FGF17: variants seen among roughly 807,000 people sequenced by gnomAD.
The protein encoded by FGF17 is fibroblast growth factor 17.
In FGF17, 5 loss-of-function variants were observed where a neutral mutation model predicts 23.5. The observed-to-expected ratio is 0.21, with a 90% CI of 0.11 to 0.45. The LOEUF is 0.45. Ranked by LOEUF, FGF17 falls within the 20% of genes least tolerant of loss-of-function variation. FGF17 has a pLI of 0.99. For synonymous variants in FGF17, 136 were observed against 123.0 expected (o/e 1.11, Z -0.70); for missense variants, 221 against 306.9 (o/e 0.72, Z 2.09).
rs1051629149 is a variant in FGF17, at chr8:22,046,756, ACT to A, written c.357+127_357+128del. The A allele has an allele frequency of 4.5e-5, 30 of 670,426 alleles. No homozygotes were observed. The East Asian group carries it at 6.0e-4, about 14-fold the overall frequency. 41.5% of individuals were successfully genotyped at this position (670,426 alleles called of 1,614,324 possible). The stretch of plus-strand genomic sequence containing the variant: ...CTCCTGTGTAAAGACTTCCCATCCT[ACT>A]CTCAGCCCACCCACTGGGCCACTCT... On this transcript the variant is annotated intron_variant, in intron 4 of 4. Transcript: ENST00000359441.
In FGF17 at chr8:22,047,922, A is replaced by C. The variant is rs751103967; in HGVS notation, c.358-34A>C. On this transcript the variant is annotated intron_variant, in intron 4 of 4. Coordinates refer to ENST00000359441, the MANE Select transcript of FGF17 (RefSeq NM_003867.4). ...CGACACCCCAGACCAGGGTAGGTGGACAAATGCCCTTCCTGTCCTTGCTTC... is the reference window on the plus strand; with the variant it reads ...CGACACCCCAGACCAGGGTAGGTGGCCAAATGCCCTTCCTGTCCTTGCTTC... The C allele has an allele frequency of 5.7e-6, 9 of 1,582,434 alleles. 1 individual carries two copies. In the South Asian group the frequency reaches 1.0e-4, roughly 18 times the overall value.
Position 22,048,206 on chromosome 8 carries a change from C to T in FGF17, c.608C>T (p.Thr203Ile). 6.2e-7 allele frequency: 1 copy of T among 1,611,220 alleles called. No individual in the cohort carries two copies. ...TTCGAGTTTGTGGGCTCCGCCCCCA[C>T]CCGCCGGACCAAGCGCACACGGCGG... ...KQFEFVGSAP[T>I]RRTKRTRRPQ... The change falls in exon 5 of 5, where the codon ACC becomes ATC. Residue 203 changes from threonine to isoleucine, a missense_variant. Thr to Ile is a moderately conservative substitution (Grantham distance 89). Transcript: ENST00000359441. The surrounding 1 kb of genome is among the most constrained non-coding windows in gnomAD (Gnocchi z 6.9).
At position 22,048,227 on chromosome 8, in the gene FGF17, GGCGGCCCCA is replaced by G. The variant is rs769385766; in HGVS notation, c.632_640del (p.Arg211_Gln213del). 9 of 1,607,844 alleles carry G rather than the reference GGCGGCCCCA, an allele frequency of 5.6e-6. No homozygotes were observed. In the South Asian group the frequency reaches 8.8e-5, roughly 16 times the overall value. ...CCCACCCGCCGGACCAAGCGCACAC[GGCGGCCCCA>G]GCCCCTCACGTAGTCTGGGAGGCAG... On this transcript the variant is annotated inframe_deletion, in exon 5 of 5. Transcript: ENST00000359441. The surrounding 1 kb of genome is among the most constrained non-coding windows in gnomAD (Gnocchi z 6.9).
chr8:22,044,935 A>T (rs1237904829), intron 2 of FGF17: 1 of 985,498 alleles, frequency 1.0e-6, no homozygotes, highest in East Asian at 1.1e-4. Context: ...ATAAAGGTGG[A>T]ATTAGGGATT....
Position 22,042,853 on chromosome 8 carries a change from C to A in FGF17, c.-76C>A. Reference sequence around the variant, plus strand: ...GAGAGACCTTGGCTTCTCTGGGACTCTACCCCTGGGGACTTCCCACATCTG... The same window carrying A: ...GAGAGACCTTGGCTTCTCTGGGACTATACCCCTGGGGACTTCCCACATCTG... On this transcript the variant is annotated 5_prime_UTR_variant, in exon 1 of 5. Coordinates refer to ENST00000359441, the MANE Select transcript of FGF17 (RefSeq NM_003867.4). 6.6e-7 allele frequency: 1 copy of A among 1,525,144 alleles called. No individual in the cohort carries two copies. The highest frequency in any genetic ancestry group is 9.0e-7 in the Non-Finnish European group (1 of 1,106,538). 94.5% of individuals were successfully genotyped at this position (1,525,144 alleles called of 1,614,324 possible). A position where few individuals can be genotyped will look rare whatever the true frequency, so the allele number is the denominator to read the frequency against.
intron 2 of FGF17, chr8:22,045,542 C>T: frequency 3.0e-6 from 3 of 994,612 alleles, no homozygotes; most frequent in Non-Finnish European, 3.6e-6. Flanking sequence ...AAGAAATGCT[C>T]ATGGGACCCT....
rs1228076092 is a variant in FGF17, at chr8:22,046,390, C to G, written c.250+99C>G. The G allele has an allele frequency of 2.7e-6, 4 of 1,495,330 alleles. No individual in the cohort carries two copies. The African/African-American group carries it at 4.1e-5, about 15-fold the overall frequency. The allele number at this position is 1,495,330 out of a possible 1,614,324, so 92.6% of individuals were successfully genotyped here. On this transcript the variant is annotated intron_variant, in intron 3 of 4. Coordinates refer to ENST00000359441, the MANE Select transcript of FGF17 (RefSeq NM_003867.4). ...TCCATCCCCAGATCCTGTGTCAGGG[C>G]TGAGGGCCCCAAGGGCCTGAGTGTC...
At chr8:22,043,067 G>T (rs560030304) in intron 1 of FGF17, 78 bp from the exon 2 acceptor site, 1 of 1,600,074 alleles carries the variant, frequency 6.2e-7, no homozygotes, top group African/African-American at 1.3e-5. Flanking sequence ...GGGCTGGCAG[G>T]GCGGGGGCGG....
At position 22,048,232 on chromosome 8, in the gene FGF17, C is replaced by T. The variant is rs778556940; in HGVS notation, c.634C>T (p.Pro212Ser). 29 of 1,607,048 alleles carry T rather than the reference C, an allele frequency of 1.8e-5. No homozygotes were observed. The Admixed American group carries it at 2.2e-4, about 12-fold the overall frequency. The change falls in exon 5 of 5, where the codon CCC (proline) becomes TCC (serine). Residue 212 changes from proline (P) to serine (S), a missense_variant. Physicochemically the swap from Pro to Ser is moderately conservative, Grantham distance 74. Transcript: ENST00000359441. This position sits in a 1 kb window ranked among gnomAD's most constrained non-coding sequence, Gnocchi z 6.9. ...PTRRTKRTRR[P>S]QPLT ...CCGCCGGACCAAGCGCACACGGCGG[C>T]CCCAGCCCCTCACGTAGTCTGGGAG...
At chr8:22,043,222 C>T in intron 2 of FGF17, 41 bp downstream of exon 2, 2 of 1,603,728 alleles carry the variant, frequency 1.2e-6, no homozygotes, top group Non-Finnish European at 1.7e-6. Context: ...AATTTTTCCA[C>T]CCTACCTGAC....
chr8:22,047,724 C>T (rs3176303), intron 4 of FGF17, among the ~76,000 whole-genome samples: 5 of 152,358 alleles, frequency 3.3e-5, no homozygotes, highest in South Asian at 2.1e-4. Flanking sequence ...GAGGCCCAGC[C>T]TGGTTCAGGA....
Position 22,043,127 on chromosome 8 carries a change from C to T in FGF17, c.36-18C>T. On this transcript the variant is annotated intron_variant, in intron 1 of 4. Transcript: ENST00000359441. Reference sequence around the variant, plus strand: ...CAGCTGGCACCCACACCTGGGCTTACCTCCTCTCCCCACACAGGTGCTTAC... The same window carrying T: ...CAGCTGGCACCCACACCTGGGCTTATCTCCTCTCCCCACACAGGTGCTTAC... 1 of 1,613,686 alleles carries T rather than the reference C, an allele frequency of 6.2e-7. No individual in the cohort carries two copies. Among genetic ancestry groups the T allele is most frequent in the Non-Finnish European group, 8.5e-7 (1 of 1,179,930 alleles).
At chr8:22,046,374 A>G in intron 3 of FGF17, 83 bp downstream of exon 3, 1 of 1,534,434 alleles carries the variant, frequency 6.5e-7, no homozygotes, top group African/African-American at 1.4e-5. Flanking sequence ...GTCCATCCCC[A>G]GATCCTGTGT....
chr8:22,045,473 AG>A, intron 2 of FGF17: 1 of 990,500 alleles, frequency 1.0e-6, no homozygotes, highest in Non-Finnish European at 1.2e-6. Context: ...CCTGAGCACC[AG>A]GGGGCAAGGC....
chr8:22,047,015 G>A (rs985458768), intron 4 of FGF17, among the ~76,000 whole-genome samples: 3 of 133,756 alleles, frequency 2.2e-5, no homozygotes, highest in Non-Finnish European at 4.6e-5. Flanking sequence ...TCAAACTCAC[G>A]GGCTAAAGCG....
At chr8:22,046,711 T>G in intron 4 of FGF17, 78 bp downstream of exon 4, 1 of 936,206 alleles carries the variant, frequency 1.1e-6, no homozygotes, top group Non-Finnish European at 1.7e-6. Context: ...TGCTCCCCTC[T>G]CTCCTCTGAG....
intron 2 of FGF17, among the ~76,000 whole-genome samples, chr8:22,044,043 C>A (rs1230593529): frequency 2.0e-5 from 3 of 151,714 alleles, no homozygotes; most frequent in East Asian, 3.9e-4. Flanking sequence ...CCCCTTCCTT[C>A]CCCCTTTTGC....
chr8:22,042,238 G>A (rs1479285341), upstream of FGF17, among the ~76,000 whole-genome samples: 2 of 152,140 alleles, frequency 1.3e-5, no homozygotes, highest in Admixed American at 1.3e-4. Flanking sequence ...ACCCACCTCT[G>A]ACCCCCAACC....
At chr8:22,045,885 C>A (rs934188860) in intron 2 of FGF17, 14 of 1,435,718 alleles carry the variant, frequency 9.8e-6, no homozygotes, top group Non-Finnish European at 6.4e-6. Context: ...ATAAGTGTCC[C>A]CCAGCCTGGG....
Sources: allele counts gnomAD v4.1 joint callset (sites outside exome capture counted in the v4.1 genomes callset), GRCh38; gene constraint gnomAD v4.1.1; non-coding constraint Gnocchi (gnomAD v3.1); transcripts MANE v1.5; gene names NCBI Gene and HGNC (gene_info 2026-07-23, HGNC 2026-07-21).